The following JAM3 variants were observed in gnomAD, a reference collection of about 807,000 sequenced individuals.
JAM3 encodes the protein junctional adhesion molecule 3, also known as junctional adhesion molecule C.
JAM3 carries 31 observed loss-of-function variants against 39.4 expected under a neutral mutation model. The ratio of observed to expected loss-of-function variants is 0.79; its 90% CI spans 0.59 to 1.06. The LOEUF is 1.06. Ranked by LOEUF, JAM3 falls within the 50% of genes least tolerant of loss-of-function variation. The pLI is 0.00. For synonymous variants in JAM3, 182 were observed against 148.7 expected, an observed-to-expected ratio of 1.22 and a Z score of -1.63; for missense variants, 455 against 391.4, an observed-to-expected ratio of 1.16 and a Z score of -1.37.
At chr11:134,087,329 G>A (rs1242289771) in intron 1 of JAM3, among the ~76,000 whole-genome samples, 1 of 152,140 alleles carries the variant, frequency 6.6e-6, no homozygotes, top group Admixed American at 6.6e-5. Context: ...GAATCAGAGA[G>A]TATATATTTT....
At chr11:134,087,219 GCA>G (rs145952752) in intron 1 of JAM3, among the ~76,000 whole-genome samples, 2 of 151,624 alleles carry the variant, frequency 1.3e-5, no homozygotes, top group African/African-American at 2.4e-5. Flanking sequence ...ACACACACAC[GCA>G]CACACACACA....
rs114023061 is a variant in JAM3, at chr11:134,089,181, T to C, written c.76+20022T>C. Among the ~76,000 whole-genome samples, 992 of 152,310 alleles carry C rather than the reference T, an allele frequency of 6.5e-3. 7 individuals carry two copies. The highest frequency in any genetic ancestry group is 0.022 in the African/African-American group (933 of 41,568). On this transcript the variant is annotated intron_variant, in intron 1 of 8. Coordinates refer to ENST00000299106, the MANE Select transcript of JAM3 (RefSeq NM_032801.5). ...ACCTCCTTGTGTCTCCCATTCTTTC[T>C]TTATATACTTTCCAGTTCGTGGTTT... is the stretch of plus-strand genomic sequence containing the variant.
At chr11:134,118,203 A>C (rs1942472416) in intron 1 of JAM3, among the ~76,000 whole-genome samples, 1 of 152,196 alleles carries the variant, frequency 6.6e-6, no homozygotes, top group Admixed American at 6.5e-5. Flanking sequence ...GTCATGCCTC[A>C]GTACCTCTAA....
At chr11:134,080,612 G>A (rs770898957) in intron 1 of JAM3, among the ~76,000 whole-genome samples, 26 of 152,106 alleles carry the variant, frequency 1.7e-4, no homozygotes, top group South Asian at 2.1e-4. Flanking sequence ...ACCTTCTGCC[G>A]TGATTGTGAG....
chr11:134,120,646 G>A (rs1249960968), intron 1 of JAM3, among the ~76,000 whole-genome samples: 1 of 152,168 alleles, frequency 6.6e-6, no homozygotes, highest in Non-Finnish European at 1.5e-5. Flanking sequence ...CTGCTATTCC[G>A]ATGAGTTTCA....
chr11:134,130,092 C>T (rs2120813917), intron 1 of JAM3, among the ~76,000 whole-genome samples: 1 of 152,256 alleles, frequency 6.6e-6, no homozygotes, highest in South Asian at 2.1e-4. Context: ...GAATTATAAG[C>T]ACATCGAGTA....
intron 1 of JAM3, among the ~76,000 whole-genome samples, chr11:134,105,120 C>T (rs539551891): frequency 3.3e-5 from 5 of 152,268 alleles, no homozygotes; most frequent in African/African-American, 1.2e-4. Context: ...TACTGGCAAA[C>T]CAAATCCAGC....
At chr11:134,121,082 C>T (rs1031111365) in intron 1 of JAM3, among the ~76,000 whole-genome samples, 2 of 152,176 alleles carry the variant, frequency 1.3e-5, no homozygotes, top group African/African-American at 2.4e-5. Context: ...CTGTGCATAG[C>T]GTCACTCCAG....
intron 1 of JAM3, among the ~76,000 whole-genome samples, chr11:134,090,558 A>G (rs565782708): frequency 2.0e-5 from 3 of 152,336 alleles, no homozygotes; most frequent in South Asian, 2.1e-4. Flanking sequence ...TAGGTAGGAA[A>G]GCTTCAAACT....
At chr11:134,104,425 C>T (rs1451833239) in intron 1 of JAM3, among the ~76,000 whole-genome samples, 1 of 152,056 alleles carries the variant, frequency 6.6e-6, no homozygotes, top group East Asian at 1.9e-4. Context: ...AAAATTGACG[C>T]CCTAACATCA....
At chr11:134,131,354 T>A (rs1942766081) in intron 1 of JAM3, among the ~76,000 whole-genome samples, 1 of 152,000 alleles carries the variant, frequency 6.6e-6, no homozygotes, top group African/African-American at 2.4e-5. Context: ...GTGACCAAAC[T>A]TGAAAAGGAA....
At chr11:134,103,550 T>A (rs1277356319) in intron 1 of JAM3, among the ~76,000 whole-genome samples, 4 of 152,174 alleles carry the variant, frequency 2.6e-5, no homozygotes, top group African/African-American at 9.7e-5. Context: ...ATGCTCCAAT[T>A]AAAAGACACA....
At chr11:134,092,031 A>C (rs952930311) in intron 1 of JAM3, among the ~76,000 whole-genome samples, 2 of 152,140 alleles carry the variant, frequency 1.3e-5, no homozygotes, top group Non-Finnish European at 2.9e-5. Context: ...AAATATAATT[A>C]AGTATACTAC....
chr11:134,071,006 T>G (rs1173543464), intron 1 of JAM3, among the ~76,000 whole-genome samples: 1 of 152,232 alleles, frequency 6.6e-6, no homozygotes, highest in Non-Finnish European at 1.5e-5. Context: ...AGGGGCTCTT[T>G]TTCCATTATT....
At chr11:134,122,747 G>T (rs1262282169) in intron 1 of JAM3, among the ~76,000 whole-genome samples, 1 of 152,242 alleles carries the variant, frequency 6.6e-6, no homozygotes, top group Non-Finnish European at 1.5e-5. Flanking sequence ...TCGAAAATAT[G>T]TGAATTCGCT....
chr11:134,090,171 T>C (rs1219084640), intron 1 of JAM3, among the ~76,000 whole-genome samples: 1 of 152,034 alleles, frequency 6.6e-6, no homozygotes, highest in East Asian at 1.9e-4. Context: ...TTTTTTTCTT[T>C]TTTGTTGGAG....
At chr11:134,089,691 C>T (rs1941808567) in intron 1 of JAM3, among the ~76,000 whole-genome samples, 2 of 152,180 alleles carry the variant, frequency 1.3e-5, no homozygotes, top group Admixed American at 1.3e-4. Flanking sequence ...GCCACATTTT[C>T]TTAATCCAGT....
Position 134,149,304 on chromosome 11 carries a change from G to C in JAM3, c.*123G>C, listed in dbSNP as rs577519238. On this transcript the variant is annotated 3_prime_UTR_variant, in exon 9 of 9. Coordinates refer to ENST00000299106, the MANE Select transcript of JAM3 (RefSeq NM_032801.5). ...CTAGACACTCATTCAGAAGCTTTTC[G>C]TTTTGGCCAAAGTTGACCACTACTC... The C allele has an allele frequency of 8.2e-7, 1 of 1,226,212 alleles. No individual in the cohort carries two copies. The highest frequency in any genetic ancestry group is 1.2e-6 in the Non-Finnish European group (1 of 853,494). 76.0% of individuals were successfully genotyped at this position (1,226,212 alleles called of 1,614,324 possible). A position where few individuals can be genotyped will look rare whatever the true frequency, so the allele number is the denominator to read the frequency against.
chr11:134,105,890 G>A (rs1053160615), intron 1 of JAM3, among the ~76,000 whole-genome samples: 8 of 152,186 alleles, frequency 5.3e-5, no homozygotes, highest in East Asian at 1.9e-4. Context: ...TCATGGGTAG[G>A]AAGAATCAAT....
Sources: allele counts gnomAD v4.1 joint callset (sites outside exome capture counted in the v4.1 genomes callset), GRCh38; gene constraint gnomAD v4.1.1; transcripts MANE v1.5; gene names NCBI Gene and HGNC (gene_info 2026-07-23, HGNC 2026-07-21).